Variants in ATG3 observed in about 807,000 individuals in gnomAD.
The protein encoded by ATG3 is autophagy related 3.
Under a neutral mutation model 50.7 loss-of-function variants are expected in ATG3, and 25 were observed. The ratio of observed to expected loss-of-function variants is 0.49; its 90% CI spans 0.36 to 0.69. The LOEUF (loss-of-function observed/expected upper bound fraction) is 0.69. ATG3 is among the 30% of genes least tolerant of loss of function. ATG3 has a pLI of 0.00. For synonymous variants in ATG3, 119 were observed against 125.5 expected (o/e 0.95, Z 0.34); for missense variants, 281 against 376.0 (o/e 0.75, Z 2.09).
rs1381517818 is a variant in ATG3 at position 112,532,524 on chromosome 3, T to C, written c.*175A>G. The C allele has an allele frequency of 2.7e-5, 11 of 413,860 alleles. No homozygotes were observed. In the East Asian group the frequency reaches 4.0e-4, roughly 15 times the overall value. 25.6% of individuals were successfully genotyped at this position (413,860 alleles called of 1,614,324 possible). The stretch of plus-strand genomic sequence containing the variant: ...ACAAGAAAAACTCTCTTTGCACTGA[T>C]TTTTATTAAACAAGTAAGGCTGGTA... On this transcript the variant is annotated 3_prime_UTR_variant, in exon 12 of 12. Transcript: ENST00000283290.
chr3:112,533,452 G>A, intron 11 of ATG3: 1 of 985,248 alleles, frequency 1.0e-6, no homozygotes, highest in Non-Finnish European at 1.2e-6. Context: ...TGGACTGGAA[G>A]TTTTTGGTTT....
At chr3:112,551,551 T>C (rs1933529633) in intron 3 of ATG3, among the ~76,000 whole-genome samples, 1 of 152,094 alleles carries the variant, frequency 6.6e-6, no homozygotes, top group South Asian at 2.1e-4. Context: ...ATAAAACTAC[T>C]AGTACCTGCT....
chr3:112,558,277 C>A (rs1394133004), intron 2 of ATG3, 99 bp downstream of exon 2: 5 of 864,360 alleles, frequency 5.8e-6, no homozygotes, highest in East Asian at 2.7e-5. Flanking sequence ...TTACTCAAAT[C>A]AAAATTAAAG....
rs1933437820 is a variant in ATG3, at chr3:112,548,627, C to T, written c.249G>A (p.Lys83=). The change falls in exon 5 of 12, where the codon AAG becomes AAA. Residue 83 remains lysine, a synonymous_variant. Coordinates refer to ENST00000283290, the MANE Select transcript of ATG3 (RefSeq NM_022488.5). ...FLVTKNVPCY[K]RCKQMEYSDE... is the part of the protein sequence containing the mutation. ...CTGAATATTCCATCTGTTTGCACCG[C>T]TTATAGCACGGCACTATAAAAAAAA... The T allele has an allele frequency of 1.2e-6, 2 of 1,613,674 alleles. No homozygotes were observed. Among genetic ancestry groups the T allele is most frequent in the African/African-American group, 2.7e-5 (2 of 74,894 alleles).
chr3:112,533,649 G>C, intron 11 of ATG3: 1 of 985,256 alleles, frequency 1.0e-6, no homozygotes, highest in Non-Finnish European at 1.2e-6. Context: ...GTAAATCATT[G>C]ATTTTGACTG....
intron 6 of ATG3, among the ~76,000 whole-genome samples, chr3:112,543,148 A>G (rs534619189): frequency 2.0e-5 from 3 of 152,124 alleles, no homozygotes; most frequent in African/African-American, 7.2e-5. Flanking sequence ...CACACAAAGA[A>G]TATCTTTAGT....
chr3:112,538,996 C>T (rs1310518871), intron 7 of ATG3, among the ~76,000 whole-genome samples: 1 of 152,166 alleles, frequency 6.6e-6, no homozygotes, highest in Non-Finnish European at 1.5e-5. Flanking sequence ...TCACCCTTGA[C>T]TATTCCACTT....
intron 1 of ATG3, 75 bp from the exon 2 acceptor site, chr3:112,558,492 T>C (rs1933748779): frequency 8.3e-7 from 1 of 1,209,608 alleles, no homozygotes; most frequent in Admixed American, 1.8e-5. Flanking sequence ...GGGCAATTAT[T>C]TGCCTGGTGC....
At position 112,548,527 on chromosome 3, in the gene ATG3, T is replaced by C. The variant is rs775721396; in HGVS notation, c.343+6A>G. 1 of 1,592,148 alleles carries C rather than the reference T, an allele frequency of 6.3e-7. No homozygotes were observed. Among genetic ancestry groups the C allele is most frequent in the South Asian group, 1.1e-5 (1 of 90,628 alleles). On this transcript the variant is annotated splice_donor_region_variant and intron_variant, in intron 5 of 11. Coordinates refer to ENST00000283290, the MANE Select transcript of ATG3 (RefSeq NM_022488.5). Reference sequence around the variant, plus strand: ...CTAAATATATGTCATTTTATTCTCCTCTTACCTGTGTTGTGATATGTATCT... The same window carrying C: ...CTAAATATATGTCATTTTATTCTCCCCTTACCTGTGTTGTGATATGTATCT...
intron 10 of ATG3, 22 bp from the exon 11 acceptor site, chr3:112,534,359 A>AAAT: frequency 6.5e-7 from 1 of 1,542,258 alleles, no homozygotes; most frequent in Non-Finnish European, 8.7e-7. Flanking sequence ...AAAAAAAAAA[A>AAAT]ATTGTTAATG....
At chr3:112,548,693 A>C in intron 4 of ATG3, 53 bp from the exon 5 acceptor site, 1 of 1,447,970 alleles carries the variant, frequency 6.9e-7, no homozygotes, top group Middle Eastern at 1.7e-4. Context: ...GCTAACCATA[A>C]ATCCATTAGA....
chr3:112,561,599 AG>A lies in ATG3; in HGVS notation c.-72del. ...CAGCCGTGTCAGGGGCCAGGGAGTC[AG>A]AAAATGTCCTCGCTGCCACCGACTC... On this transcript the variant is annotated 5_prime_UTR_variant, in exon 1 of 12. An upstream open reading frame in the 5' UTR loses its in-frame stop. Transcript: ENST00000283290. 1.4e-6 allele frequency: 2 copies of A among 1,479,924 alleles called. No individual in the cohort carries two copies. The highest frequency in any genetic ancestry group is 1.8e-6 in the Non-Finnish European group (2 of 1,084,980). 91.7% of individuals were successfully genotyped at this position (1,479,924 alleles called of 1,614,324 possible). A position where few individuals can be genotyped will look rare whatever the true frequency, so the allele number is the denominator to read the frequency against.
chr3:112,560,591 A>C (rs548541873), intron 1 of ATG3, among the ~76,000 whole-genome samples: 24 of 152,302 alleles, frequency 1.6e-4, no homozygotes, highest in African/African-American at 5.1e-4. Flanking sequence ...GAAAAAAAAA[A>C]CAAAAACTAA....
intron 11 of ATG3, chr3:112,533,469 A>G (rs1396465506): frequency 6.1e-6 from 6 of 985,164 alleles, no homozygotes; most frequent in Admixed American, 6.2e-5. Context: ...GTTTGTTTCA[A>G]TATCAAATCA....
intron 7 of ATG3, chr3:112,538,449 T>C (rs1933135722): frequency 3.3e-6 from 1 of 305,800 alleles, no homozygotes; most frequent in Non-Finnish European, 6.0e-6. Context: ...CTTCTGTAAC[T>C]GCGTAGTCAT....
intron 2 of ATG3, among the ~76,000 whole-genome samples, chr3:112,556,440 G>A (rs1265216653): frequency 6.6e-6 from 1 of 151,768 alleles, no homozygotes; most frequent in Admixed American, 6.6e-5. Flanking sequence ...CGCCCCGTCC[G>A]GGAGGTGAGG....
intron 10 of ATG3, chr3:112,534,604 G>A (rs1932973903): frequency 5.1e-6 from 1 of 196,926 alleles, no homozygotes. Flanking sequence ...CCAGGGGAGG[G>A]CATAATCTTA....
chr3:112,541,318 C>T (rs374085009), intron 7 of ATG3, among the ~76,000 whole-genome samples: 1 of 151,338 alleles, frequency 6.6e-6, no homozygotes, highest in Non-Finnish European at 1.5e-5. Flanking sequence ...ACCTGGGAGA[C>T]GGCGGTTGCA....
intron 7 of ATG3, 71 bp from the exon 8 acceptor site, chr3:112,538,251 T>C (rs1166092079): frequency 8.3e-7 from 1 of 1,210,160 alleles, no homozygotes; most frequent in Non-Finnish European, 1.2e-6. Context: ...AATTTAAGTA[T>C]TACTTCATAG....
Sources: allele counts gnomAD v4.1 joint callset (sites outside exome capture counted in the v4.1 genomes callset), GRCh38; gene constraint gnomAD v4.1.1; transcripts MANE v1.5; gene names NCBI Gene and HGNC (gene_info 2026-07-23, HGNC 2026-07-21).